AGAP1: variants seen among roughly 807,000 people sequenced by gnomAD.
AGAP1 encodes ArfGAP with GTPase domain, ankyrin repeat and PH domain 1, also known as arf-GAP with GTPase, ANK repeat and PH domain-containing protein 1.
Under a neutral mutation model 105.3 loss-of-function variants are expected in AGAP1, and 29 were observed. The observed-to-expected ratio is 0.28, with a 90% CI of 0.21 to 0.38. The LOEUF (loss-of-function observed/expected upper bound fraction) is 0.38. AGAP1 is among the 10% of genes least tolerant of loss of function. The pLI is 1.00. For synonymous variants in AGAP1, 509 were observed against 485.9 expected (o/e 1.05, Z -0.63); for missense variants, 998 against 1,165.1 (o/e 0.86, Z 2.09).
At position 235,728,899 on chromosome 2, in the gene AGAP1, G is replaced by A. The variant is rs1281264631; in HGVS notation, c.310+11255G>A. Among the ~76,000 whole-genome samples the A allele has an allele frequency of 2.6e-5, 4 of 152,186 alleles. No homozygotes were observed. Among genetic ancestry groups the A allele is most frequent in the Admixed American group, 6.5e-5 (1 of 15,284 alleles). ...AGGGAGGTTTGGAGCCTGGACGAGA[G>A]CAGGGGTTGTGGAGGAATGGTCAAA... On this transcript the variant is annotated intron_variant, in intron 3 of 17. Coordinates refer to ENST00000304032, the MANE Select transcript of AGAP1 (RefSeq NM_001037131.3). This position sits in a 1 kb window ranked among gnomAD's most constrained non-coding sequence, Gnocchi z 4.3.
intron 11 of AGAP1, among the ~76,000 whole-genome samples, chr2:235,914,507 C>T (rs527778653): frequency 6.6e-6 from 1 of 150,896 alleles, no homozygotes; most frequent in Non-Finnish European, 1.5e-5. Context: ...TGGAGGGGCT[C>T]GGGGGTGGGG....
At chr2:236,006,423 G>A (rs1358048469) in intron 13 of AGAP1, among the ~76,000 whole-genome samples, 1 of 152,116 alleles carries the variant, frequency 6.6e-6, no homozygotes, top group East Asian at 1.9e-4. Context: ...GGTTCTCTTG[G>A]CCAACAGAGT....
At chr2:235,854,368 C>T (rs1231846053) in intron 9 of AGAP1, among the ~76,000 whole-genome samples, 3 of 152,234 alleles carry the variant, frequency 2.0e-5, no homozygotes, top group African/African-American at 4.8e-5. Flanking sequence ...TGCTCTCCTT[C>T]CCTCTTTTTC....
chr2:235,560,797 G>A (rs985588545), intron 1 of AGAP1, among the ~76,000 whole-genome samples: 1 of 152,138 alleles, frequency 6.6e-6, no homozygotes, highest in Non-Finnish European at 1.5e-5. Context: ...AAATCACGTC[G>A]TTCTAAACCA....
intron 6 of AGAP1, among the ~76,000 whole-genome samples, chr2:235,758,054 CG>C (rs1206582641): frequency 6.6e-6 from 1 of 151,994 alleles, no homozygotes; most frequent in Non-Finnish European, 1.5e-5. Flanking sequence ...TTTTCATTGT[CG>C]GGGTGGCCTG....
At chr2:235,978,954 A>C (rs2054973303) in intron 13 of AGAP1, among the ~76,000 whole-genome samples, 1 of 152,116 alleles carries the variant, frequency 6.6e-6, no homozygotes, top group African/African-American at 2.4e-5. Context: ...CTTTGCAGAC[A>C]GTTAGAACCT....
intron 16 of AGAP1, among the ~76,000 whole-genome samples, chr2:236,091,497 G>T (rs987760056): frequency 6.6e-6 from 1 of 152,212 alleles, no homozygotes; most frequent in Admixed American, 6.5e-5. Context: ...TAGGCCGGGC[G>T]CGGTGGCTCA....
chr2:235,805,777 C>T (rs951750613), intron 8 of AGAP1, among the ~76,000 whole-genome samples: 6 of 152,152 alleles, frequency 3.9e-5, no homozygotes, highest in African/African-American at 1.2e-4. Flanking sequence ...GTTAACCTTA[C>T]GTTTTATATT....
intron 6 of AGAP1, among the ~76,000 whole-genome samples, chr2:235,782,671 G>T (rs1294563670): frequency 6.6e-6 from 1 of 152,178 alleles, no homozygotes; most frequent in Non-Finnish European, 1.5e-5. Flanking sequence ...GATAAAAGGT[G>T]CTGTGTAGCA....
At chr2:235,588,683 CAA>C in intron 1 of AGAP1, among the ~76,000 whole-genome samples, 1 of 152,260 alleles carries the variant, frequency 6.6e-6, no homozygotes, top group South Asian at 2.1e-4. Context: ...CGGAGTAACA[CAA>C]ATGGTTATCT....
At chr2:235,558,422 A>T (rs906925123) in intron 1 of AGAP1, among the ~76,000 whole-genome samples, 1 of 152,158 alleles carries the variant, frequency 6.6e-6, no homozygotes, top group Non-Finnish European at 1.5e-5. Context: ...TTCCAAGAAT[A>T]AAGTGTGACC....
At position 235,720,421 on chromosome 2, in the gene AGAP1, C is replaced by T. The variant is rs186243401; in HGVS notation, c.310+2777C>T. On this transcript the variant is annotated intron_variant, in intron 3 of 17. Coordinates refer to ENST00000304032, the MANE Select transcript of AGAP1 (RefSeq NM_001037131.3). This position sits in a 1 kb window ranked among gnomAD's most constrained non-coding sequence, Gnocchi z 5.0. ...GCTGACAAAGCTGATGATGGCCCAG[C>T]CTCACCTGTGGTTACTTACCCACAC... Among the ~76,000 whole-genome samples the T allele has an allele frequency of 1.5e-3, 226 of 152,196 alleles. 1 individual carries two copies. Among genetic ancestry groups the T allele is most frequent in the African/African-American group, 4.8e-3 (199 of 41,534 alleles).
Position 235,599,742 on chromosome 2 carries a change from C to G in AGAP1, c.163+104893C>G, listed in dbSNP as rs1268588606. On this transcript the variant is annotated intron_variant, in intron 1 of 17. Transcript: ENST00000304032. The surrounding 1 kb of genome is among the most constrained non-coding windows in gnomAD (Gnocchi z 5.3). ...TGGGTCCCACGTGATTCTACCTGAT[C>G]GCTGGCTCTCTAGGGCTTTTCCCCT... 6.6e-6 allele frequency among the ~76,000 whole-genome samples: 1 copy of G among 152,120 alleles called. No individual in the cohort carries two copies. Among genetic ancestry groups the G allele is most frequent in the Non-Finnish European group, 1.5e-5 (1 of 68,032 alleles).
rs1409891582 is a variant in AGAP1, at chr2:235,633,654, CTGTT to C, written c.164-75524_164-75521del. Among the ~76,000 whole-genome samples, 1 of 152,134 alleles carries C rather than the reference CTGTT, an allele frequency of 6.6e-6. No homozygotes were observed. The highest frequency in any genetic ancestry group is 1.5e-5 in the Non-Finnish European group (1 of 68,026). On this transcript the variant is annotated intron_variant, in intron 1 of 17. Coordinates refer to ENST00000304032, the MANE Select transcript of AGAP1 (RefSeq NM_001037131.3). This position sits in a 1 kb window ranked among gnomAD's most constrained non-coding sequence, Gnocchi z 4.8. ...GAGTGGGGAGACCTACAAGGCCTGT[CTGTT>C]CAGATTCCTCTTGGCCTCTGTGTAA...
At chr2:235,668,356 C>T (rs988504216) in intron 1 of AGAP1, among the ~76,000 whole-genome samples, 6 of 152,130 alleles carry the variant, frequency 3.9e-5, no homozygotes, top group African/African-American at 1.4e-4. Flanking sequence ...GTGTCGTGAA[C>T]ACAATAGGTA....
At chr2:235,541,614 C>T (rs1167355353) in intron 1 of AGAP1, among the ~76,000 whole-genome samples, 6 of 151,990 alleles carry the variant, frequency 3.9e-5, no homozygotes, top group Non-Finnish European at 8.8e-5. Context: ...TGGTCTCGAT[C>T]TCCTGACCTC....
rs1051406665 is a variant in AGAP1 at position 236,089,915 on chromosome 2, C to G, written c.2115-30277C>G. 6.6e-6 allele frequency among the ~76,000 whole-genome samples: 1 copy of G among 151,882 alleles called. No homozygotes were observed. The highest frequency in any genetic ancestry group is 1.5e-5 in the Non-Finnish European group (1 of 67,980). On this transcript the variant is annotated intron_variant, in intron 16 of 17. Coordinates refer to ENST00000304032, the MANE Select transcript of AGAP1 (RefSeq NM_001037131.3). The surrounding 1 kb of genome is among the most constrained non-coding windows in gnomAD (Gnocchi z 5.6). ...AAATGACCAATTTTCAGGAGTTAGT[C>G]ACTCAAGTCGTACTTATAACTAGGT... is the stretch of plus-strand genomic sequence containing the variant.
rs890375922 is a variant in AGAP1, at chr2:235,631,310, A to G, written c.164-77869A>G. 2.6e-5 allele frequency among the ~76,000 whole-genome samples: 4 copies of G among 152,290 alleles called. No homozygotes were observed. Among genetic ancestry groups the G allele is most frequent in the African/African-American group, 9.6e-5 (4 of 41,580 alleles). ...GGAAGGATTGAGTTAGGAGAGTTCA[A>G]CTGAAAAGTCAAGCATGGCGCAAGG... On this transcript the variant is annotated intron_variant, in intron 1 of 17. Coordinates refer to ENST00000304032, the MANE Select transcript of AGAP1 (RefSeq NM_001037131.3). The surrounding 1 kb of genome is among the most constrained non-coding windows in gnomAD (Gnocchi z 5.4).
At position 236,089,500 on chromosome 2, in the gene AGAP1, A is replaced by AT. The variant is rs1351964820; in HGVS notation, c.2115-30691dup. On this transcript the variant is annotated intron_variant, in intron 16 of 17. Coordinates refer to ENST00000304032, the MANE Select transcript of AGAP1 (RefSeq NM_001037131.3). The surrounding 1 kb of genome is among the most constrained non-coding windows in gnomAD (Gnocchi z 5.6). ...AGCGTAGCAACTGGGAGGTGGCCTG[A>AT]TGGCCTGCGCCTGTTGCCGTTGATG... 6.6e-6 allele frequency among the ~76,000 whole-genome samples: 1 copy of AT among 152,234 alleles called. No homozygotes were observed. Among genetic ancestry groups the AT allele is most frequent in the Non-Finnish European group, 1.5e-5 (1 of 68,042 alleles).
Sources: allele counts gnomAD v4.1 joint callset (sites outside exome capture counted in the v4.1 genomes callset), GRCh38; gene constraint gnomAD v4.1.1; non-coding constraint Gnocchi (gnomAD v3.1); transcripts MANE v1.5; gene names NCBI Gene and HGNC (gene_info 2026-07-23, HGNC 2026-07-21).